Variants in SLC2A13 observed in about 807,000 individuals in gnomAD.
SLC2A13 encodes solute carrier family 2 member 13, also known as proton myo-inositol cotransporter.
A neutral mutation model predicts 64.4 loss-of-function variants in SLC2A13; 32 were observed. The ratio of observed to expected loss-of-function variants is 0.50; its 90% confidence interval spans 0.37 to 0.67. The LOEUF (loss-of-function observed/expected upper bound fraction) is 0.67, where lower values mean the gene tolerates loss of function less well. Ranked by LOEUF, SLC2A13 falls within the 30% of genes least tolerant of loss-of-function variation. The pLI, the probability that SLC2A13 is intolerant of heterozygous loss-of-function variation, is 0.00. For synonymous variants in SLC2A13, 338 were observed against 327.1 expected (o/e 1.03, Z -0.36); for missense variants, 743 against 829.2 (o/e 0.90, Z 1.28).
intron 4 of SLC2A13, among the ~76,000 whole-genome samples, chr12:39,946,352 T>C (rs764253345): frequency 3.2e-4 from 48 of 152,154 alleles, no homozygotes; most frequent in Non-Finnish European, 5.3e-4. Flanking sequence ...TGCCATTAGG[T>C]GGAACTTTCC....
intron 7 of SLC2A13, among the ~76,000 whole-genome samples, chr12:39,810,518 T>C (rs765883978): frequency 6.6e-6 from 1 of 152,146 alleles, no homozygotes; most frequent in Non-Finnish European, 1.5e-5. Context: ...GAAAATGTCA[T>C]GTAGTAGTGT....
intron 1 of SLC2A13, among the ~76,000 whole-genome samples, chr12:40,068,084 T>G (rs1004618771): frequency 6.6e-6 from 1 of 152,090 alleles, no homozygotes; most frequent in Admixed American, 6.6e-5. Context: ...TTTTTCGTTT[T>G]ATTTTTATAG....
chr12:39,805,990 T>C (rs1358901754), intron 7 of SLC2A13, among the ~76,000 whole-genome samples: 1 of 152,186 alleles, frequency 6.6e-6, no homozygotes, highest in African/African-American at 2.4e-5. Flanking sequence ...CAATAGCAGA[T>C]TCCCTGCAAT....
intron 1 of SLC2A13, among the ~76,000 whole-genome samples, chr12:40,087,618 G>A (rs1181522334): frequency 6.6e-6 from 1 of 152,056 alleles, no homozygotes; most frequent in Non-Finnish European, 1.5e-5. Flanking sequence ...ATGTGCCAGA[G>A]GCTATGATAG....
chr12:39,888,804 A>G (rs7297386), intron 4 of SLC2A13, among the ~76,000 whole-genome samples: 1 of 151,934 alleles, frequency 6.6e-6, no homozygotes. Context: ...ATAATATTAT[A>G]TTAATAACTG....
At chr12:39,883,690 G>A (rs1433883186) in intron 4 of SLC2A13, among the ~76,000 whole-genome samples, 1 of 152,166 alleles carries the variant, frequency 6.6e-6, no homozygotes, top group Non-Finnish European at 1.5e-5. Context: ...TCACTTGTAA[G>A]TAAAACTTTG....
intron 1 of SLC2A13, among the ~76,000 whole-genome samples, chr12:40,095,618 T>G (rs1032974816): frequency 6.6e-6 from 1 of 152,248 alleles, no homozygotes; most frequent in Non-Finnish European, 1.5e-5. Context: ...ACATATTGCA[T>G]ATCTATAAAT....
At chr12:40,062,600 A>T (rs1177857469) in intron 1 of SLC2A13, among the ~76,000 whole-genome samples, 1 of 152,138 alleles carries the variant, frequency 6.6e-6, no homozygotes, top group African/African-American at 2.4e-5. Flanking sequence ...CAATGTCTAA[A>T]CTAAGTTTTA....
intron 7 of SLC2A13, among the ~76,000 whole-genome samples, chr12:39,780,377 A>G (rs1327832173): frequency 1.3e-5 from 2 of 152,220 alleles, no homozygotes; most frequent in African/African-American, 2.4e-5. Flanking sequence ...ATGGAAAAAG[A>G]GATGAAATGA....
At chr12:39,897,908 G>C (rs1204559161) in intron 4 of SLC2A13, among the ~76,000 whole-genome samples, 1 of 151,848 alleles carries the variant, frequency 6.6e-6, no homozygotes, top group Admixed American at 6.6e-5. Context: ...TTTTTATGTA[G>C]ATCTATGAAA....
chr12:40,099,762 TTAATGTGTA>T (rs1939083830), intron 1 of SLC2A13, among the ~76,000 whole-genome samples: 1 of 152,154 alleles, frequency 6.6e-6, no homozygotes, highest in African/African-American at 2.4e-5. Flanking sequence ...AACAAAGCTG[TTAATGTGTA>T]TAAAACAAGG....
At chr12:40,069,046 T>C (rs114984022) in intron 1 of SLC2A13, among the ~76,000 whole-genome samples, 413 of 152,214 alleles carry the variant, frequency 2.7e-3, no homozygotes, top group African/African-American at 9.6e-3. Flanking sequence ...CATTTATGCA[T>C]CTCATTTGTG....
At chr12:39,878,363 C>T (rs185335813) in intron 4 of SLC2A13, among the ~76,000 whole-genome samples, 108 of 152,198 alleles carry the variant, frequency 7.1e-4, no homozygotes, top group African/African-American at 2.1e-3. Context: ...TTTAAGAGAC[C>T]GACTAAATGG....
chr12:39,807,199 G>A (rs1372554995), intron 7 of SLC2A13, among the ~76,000 whole-genome samples: 1 of 152,164 alleles, frequency 6.6e-6, no homozygotes, highest in Non-Finnish European at 1.5e-5. Context: ...TTAAGGACAG[G>A]GCCACGTAGG....
chr12:40,105,206 G>A lies in SLC2A13; in HGVS notation c.556+47C>T. 6.7e-7 allele frequency: 1 copy of A among 1,500,514 alleles called. No homozygotes were observed. The allele number at this position is 1,500,514 out of a possible 1,614,324, so 92.9% of individuals were successfully genotyped here. A position where few individuals can be genotyped will look rare whatever the true frequency, so the allele number is the denominator to read the frequency against. On this transcript the variant is annotated intron_variant, in intron 1 of 9. Coordinates refer to ENST00000280871, the MANE Select transcript of SLC2A13 (RefSeq NM_052885.4). This position sits in a 1 kb window ranked among gnomAD's most constrained non-coding sequence, Gnocchi z 4.2. The stretch of plus-strand genomic sequence containing the variant: ...AGGCACGCAACACCCAGGGTCAAGG[G>A]CGGTGACAATGGGATCCCGGGCGCC...
chr12:39,890,219 G>C (rs779871465), intron 4 of SLC2A13, among the ~76,000 whole-genome samples: 9 of 151,880 alleles, frequency 5.9e-5, no homozygotes, highest in Non-Finnish European at 1.0e-4. Flanking sequence ...GAGAAAACCT[G>C]GCCATTTGTT....
intron 6 of SLC2A13, chr12:39,835,776 C>G (rs1359919586): frequency 6.6e-6 from 1 of 152,078 alleles, no homozygotes; most frequent in African/African-American, 2.4e-5. Flanking sequence ...CTCTAGAAAT[C>G]AAGGCATTCT....
At chr12:39,830,398 G>A in intron 6 of SLC2A13, 170 bp from the exon 7 acceptor site, 1 of 1,355,740 alleles carries the variant, frequency 7.4e-7, no homozygotes, top group South Asian at 1.9e-5. Context: ...GTGAGAGCTG[G>A]CTGGTCTCTT....
chr12:39,978,475 G>T (rs1006014971), intron 3 of SLC2A13, among the ~76,000 whole-genome samples: 4 of 152,104 alleles, frequency 2.6e-5, no homozygotes, highest in Admixed American at 6.5e-5. Context: ...CGCACCGTGC[G>T]CGAGCCGAAG....
Sources: allele counts gnomAD v4.1 joint callset (sites outside exome capture counted in the v4.1 genomes callset), GRCh38; gene constraint gnomAD v4.1.1; non-coding constraint Gnocchi (gnomAD v3.1); transcripts MANE v1.5; gene names NCBI Gene and HGNC (gene_info 2026-07-23, HGNC 2026-07-21).